The following COPS7B variants were observed in gnomAD, a reference collection of about 807,000 sequenced individuals.
COPS7B encodes the protein COP9 signalosome subunit 7B, also known as COP9 signalosome complex subunit 7b.
A neutral mutation model predicts 33.4 loss-of-function variants in COPS7B; 9 were observed. That is an observed-to-expected ratio of 0.27 (90% confidence interval 0.16 to 0.47). The LOEUF (loss-of-function observed/expected upper bound fraction) is 0.47, where lower values mean the gene tolerates loss of function less well. Ranked by LOEUF, COPS7B falls within the 20% of genes least tolerant of loss-of-function variation. The pLI, the probability that COPS7B is intolerant of heterozygous loss-of-function variation, is 0.99. For synonymous variants in COPS7B, 119 were observed against 126.3 expected (o/e 0.94, Z 0.39); for missense variants, 242 against 318.2 (o/e 0.76, Z 1.82).
At chr2:231,788,482 G>A in intron 1 of COPS7B, 73 bp from the exon 2 acceptor site, 1 of 1,377,640 alleles carries the variant, frequency 7.3e-7, no homozygotes, top group Non-Finnish European at 1.0e-6. Flanking sequence ...TCTGGTGTTT[G>A]ATTCAGCACT....
intron 6 of COPS7B, among the ~76,000 whole-genome samples, chr2:231,802,273 C>T (rs1392462823): frequency 6.6e-6 from 1 of 152,160 alleles, no homozygotes; most frequent in Non-Finnish European, 1.5e-5. Flanking sequence ...ATACAATGCA[C>T]CAAAAGTATG....
chr2:231,791,681 C>A, intron 2 of COPS7B, 52 bp from the exon 3 acceptor site: 1 of 1,476,064 alleles, frequency 6.8e-7, no homozygotes, highest in Non-Finnish European at 9.5e-7. Flanking sequence ...TTGAACACTA[C>A]AGTGATTGGT....
rs2049978894 is a variant in COPS7B, at chr2:231,809,059, A to G, written c.*1414A>G. ...GATTTCTCCTTTTTCTAAAATGTCC[A>G]GCAACTGCCTACTGTTGATCAAATG... On this transcript the variant is annotated 3_prime_UTR_variant, in exon 7 of 7. Transcript: ENST00000350033. 6.6e-6 allele frequency: 1 copy of G among 152,548 alleles called. No homozygotes were observed. The highest frequency in any genetic ancestry group is 2.4e-5 in the African/African-American group (1 of 41,426). The allele number at this position is 152,548 out of a possible 1,614,324, so 9.4% of individuals were successfully genotyped here.
chr2:231,784,134 G>T (rs2049186755), upstream of COPS7B, among the ~76,000 whole-genome samples: 1 of 151,234 alleles, frequency 6.6e-6, no homozygotes, highest in African/African-American at 2.4e-5. Flanking sequence ...AGGGGGAGGG[G>T]GTGGGGTGCG....
At chr2:231,794,865 C>G (rs2049520194) in intron 4 of COPS7B, among the ~76,000 whole-genome samples, 1 of 152,050 alleles carries the variant, frequency 6.6e-6, no homozygotes, top group African/African-American at 2.4e-5. Flanking sequence ...GAGCGATTCC[C>G]CTACTCAGCC....
intron 6 of COPS7B, among the ~76,000 whole-genome samples, chr2:231,805,591 A>G (rs1397834880): frequency 2.0e-5 from 3 of 150,218 alleles, no homozygotes; most frequent in African/African-American, 7.3e-5. Context: ...AGCCTCCTGA[A>G]TAGCTAGGAC....
rs1395557218 is a variant in COPS7B at position 231,794,025 on chromosome 2, A to G, written c.239-238A>G. On this transcript the variant is annotated intron_variant, in intron 3 of 6. Coordinates refer to ENST00000350033, the MANE Select transcript of COPS7B (RefSeq NM_022730.4). ...ACTCCATTAAGATAATTGCCACATC[A>G]TTTTGCTTGTTTGCTTTTTAGGAGA... The G allele has an allele frequency of 8.1e-6, 4 of 495,170 alleles. No homozygotes were observed. The East Asian group carries it at 1.4e-4, about 17-fold the overall frequency. The allele number at this position is 495,170 out of a possible 1,614,324, so 30.7% of individuals were successfully genotyped here.
At chr2:231,803,764 C>T (rs558764395) in intron 6 of COPS7B, among the ~76,000 whole-genome samples, 7 of 152,284 alleles carry the variant, frequency 4.6e-5, no homozygotes, top group South Asian at 2.1e-4. Flanking sequence ...GGATGATGCG[C>T]GGGCTCCCTC....
At position 231,808,075 on chromosome 2, in the gene COPS7B, C is replaced by G; in HGVS notation, c.*430C>G. The G allele has an allele frequency of 4.9e-6, 1 of 204,712 alleles. No individual in the cohort carries two copies. The highest frequency in any genetic ancestry group is 5.6e-5 in the Admixed American group (1 of 17,896). The allele number at this position is 204,712 out of a possible 1,614,324, so 12.7% of individuals were successfully genotyped here. A position where few individuals can be genotyped will look rare whatever the true frequency, so the allele number is the denominator to read the frequency against. On this transcript the variant is annotated 3_prime_UTR_variant, in exon 7 of 7. Transcript: ENST00000350033. ...TGAGGAGGGGGCACTCCTCTCCAGC[C>G]CCTGGTACCACAGTCCTCACGATGG...
upstream of COPS7B, chr2:231,781,920 A>G: frequency 1.3e-6 from 2 of 1,535,538 alleles, no homozygotes; most frequent in African/African-American, 1.4e-5. Flanking sequence ...CACTGATTAA[A>G]CCGTGAAAGA....
At chr2:231,781,715 G>C (rs750809703), upstream of COPS7B, 58 of 856,040 alleles carry the variant, frequency 6.8e-5, no homozygotes, top group Non-Finnish European at 1.1e-4. Flanking sequence ...TTAGACTCCA[G>C]TGTGCCGCGC....
intron 1 of COPS7B, 30 bp from the exon 2 acceptor site, chr2:231,788,525 G>T: frequency 1.2e-6 from 2 of 1,605,588 alleles, no homozygotes; most frequent in Non-Finnish European, 1.7e-6. Context: ...GGAGAAGGAA[G>T]AATGACTGAC....
upstream of COPS7B, chr2:231,786,110 C>T (rs978662708): frequency 6.6e-6 from 1 of 152,134 alleles, no homozygotes; most frequent in African/African-American, 2.4e-5. Flanking sequence ...CTTAATGTAT[C>T]TCGGTGCCCA....
At chr2:231,786,401 G>A, upstream of COPS7B, 2 of 976,454 alleles carry the variant, frequency 2.0e-6, no homozygotes, top group Non-Finnish European at 2.4e-6. Flanking sequence ...GAGGCTTCCG[G>A]GGGAGCTGCA....
Position 231,808,464 on chromosome 2 carries a change from C to A in COPS7B, c.*819C>A. The A allele has an allele frequency of 2.1e-6, 1 of 471,654 alleles. No individual in the cohort carries two copies. 29.2% of individuals were successfully genotyped at this position (471,654 alleles called of 1,614,324 possible). On this transcript the variant is annotated 3_prime_UTR_variant, in exon 7 of 7. Transcript: ENST00000350033. ...AACTGCCGGCTAATGCTTGCTCTCC[C>A]AAGATCTTTAACTCCTCCTGGCTGC...
chr2:231,791,640 C>A (rs2049419433), intron 2 of COPS7B, 93 bp from the exon 3 acceptor site: 2 of 1,020,592 alleles, frequency 2.0e-6, no homozygotes, highest in South Asian at 1.3e-5. Context: ...ACAGCCATGG[C>A]ATCTTTGACA....
chr2:231,798,771 G>T, intron 5 of COPS7B, 88 bp from the exon 6 acceptor site: 1 of 1,044,052 alleles, frequency 9.6e-7, no homozygotes, highest in South Asian at 1.4e-5. Flanking sequence ...TAAGATACTG[G>T]GGAGAGCTGT....
chr2:231,804,248 A>ATT (rs5839418), intron 6 of COPS7B, among the ~76,000 whole-genome samples: 3 of 138,246 alleles, frequency 2.2e-5, no homozygotes, highest in Admixed American at 7.1e-5. Flanking sequence ...GTATAAGCTG[A>ATT]TTTTTTTTTT....
rs1315316892 is a variant in COPS7B at position 231,807,669 on chromosome 2, C to T, written c.*24C>T. 2.6e-6 allele frequency: 4 copies of T among 1,540,232 alleles called. No homozygotes were observed. The highest frequency in any genetic ancestry group is 3.5e-6 in the Non-Finnish European group (4 of 1,142,512). ...AGGGCCGGCTGGGGCAGCTGGCACT[C>T]ACCAGGCCTGGGTCAGGTGGGGAGG... On this transcript the variant is annotated 3_prime_UTR_variant, in exon 7 of 7. Coordinates refer to ENST00000350033, the MANE Select transcript of COPS7B (RefSeq NM_022730.4).
Sources: allele counts gnomAD v4.1 joint callset (sites outside exome capture counted in the v4.1 genomes callset), GRCh38; gene constraint gnomAD v4.1.1; transcripts MANE v1.5; gene names NCBI Gene and HGNC (gene_info 2026-07-23, HGNC 2026-07-21).